The following NKAIN2 variants were observed in gnomAD, a reference collection of about 807,000 sequenced individuals.
NKAIN2 encodes sodium/potassium-transporting ATPase subunit beta-1-interacting protein 2.
Under a neutral mutation model 32.6 loss-of-function variants are expected in NKAIN2, and 14 were observed. The ratio of observed to expected loss-of-function variants is 0.43; its 90% confidence interval spans 0.28 to 0.67. The LOEUF is 0.67. Ranked by LOEUF, NKAIN2 falls within the 30% of genes least tolerant of loss-of-function variation. NKAIN2 has a pLI of 0.17. For synonymous variants in NKAIN2, 80 were observed against 87.2 expected (o/e 0.92, Z 0.46); for missense variants, 198 against 258.3 (o/e 0.77, Z 1.60).
chr6:123,852,020 T>G (rs937219584), intron 1 of NKAIN2, among the ~76,000 whole-genome samples: 1 of 152,208 alleles, frequency 6.6e-6, no homozygotes, highest in African/African-American at 2.4e-5. Context: ...ATCAAAAAAA[T>G]TATTGCCCAG....
chr6:124,293,669 G>A (rs1279592560), intron 2 of NKAIN2, among the ~76,000 whole-genome samples: 1 of 152,022 alleles, frequency 6.6e-6, no homozygotes, highest in African/African-American at 2.4e-5. Context: ...ATTTTCTAGA[G>A]CATTTGTTTC....
intron 1 of NKAIN2, among the ~76,000 whole-genome samples, chr6:124,186,642 C>T (rs1789755838): frequency 1.3e-5 from 2 of 152,104 alleles, no homozygotes; most frequent in Admixed American, 6.5e-5. Flanking sequence ...TATCAGATAC[C>T]AATATATGTG....
intron 3 of NKAIN2, among the ~76,000 whole-genome samples, chr6:124,443,022 T>C (rs1174619369): frequency 6.6e-6 from 1 of 152,130 alleles, no homozygotes; most frequent in African/African-American, 2.4e-5. Context: ...TGGAACTTGC[T>C]ATGCTCAGAA....
intron 1 of NKAIN2, among the ~76,000 whole-genome samples, chr6:124,221,240 G>A (rs1400369113): frequency 6.6e-6 from 1 of 152,002 alleles, no homozygotes. Flanking sequence ...AAAAGGATGA[G>A]TTCATGTACT....
intron 3 of NKAIN2, among the ~76,000 whole-genome samples, chr6:124,483,226 A>T (rs1436654187): frequency 6.6e-6 from 1 of 152,234 alleles, no homozygotes; most frequent in Non-Finnish European, 1.5e-5. Context: ...GAATCTATCA[A>T]GTTCCGATGA....
chr6:124,609,676 T>G (rs1490226689), intron 3 of NKAIN2, among the ~76,000 whole-genome samples: 1 of 152,036 alleles, frequency 6.6e-6, no homozygotes, highest in Admixed American at 6.6e-5. Context: ...CACACATTTT[T>G]TTTTCACTTT....
chr6:124,452,283 C>T (rs1341992541), intron 3 of NKAIN2, among the ~76,000 whole-genome samples: 1 of 151,396 alleles, frequency 6.6e-6, no homozygotes, highest in African/African-American at 2.4e-5. Context: ...TACTGAGTTG[C>T]TCCTTTTGCA....
chr6:123,913,878 T>C (rs1326200270), intron 1 of NKAIN2, among the ~76,000 whole-genome samples: 1 of 152,170 alleles, frequency 6.6e-6, no homozygotes, highest in Non-Finnish European at 1.5e-5. Flanking sequence ...ATTAATATCA[T>C]AATTCTTCCC....
intron 3 of NKAIN2, among the ~76,000 whole-genome samples, chr6:124,563,065 G>A (rs1219893293): frequency 6.6e-6 from 1 of 151,800 alleles, no homozygotes; most frequent in African/African-American, 2.4e-5. Flanking sequence ...TACCATGCCC[G>A]GCTAATTTTT....
intron 3 of NKAIN2, among the ~76,000 whole-genome samples, chr6:124,653,418 T>C (rs1784433296): frequency 1.5e-5 from 2 of 131,442 alleles, no homozygotes; most frequent in African/African-American, 2.9e-5. Flanking sequence ...CAATAAATGG[T>C]GCTGGAATAA....
intron 3 of NKAIN2, among the ~76,000 whole-genome samples, chr6:124,534,060 T>A (rs117388393): frequency 6.6e-6 from 1 of 152,322 alleles, no homozygotes; most frequent in Non-Finnish European, 1.5e-5. Context: ...GACACAAATA[T>A]TTAATCTGTC....
chr6:123,947,139 T>C (rs1002820335), intron 1 of NKAIN2, among the ~76,000 whole-genome samples: 11 of 152,186 alleles, frequency 7.2e-5, no homozygotes, highest in Non-Finnish European at 2.9e-5. Flanking sequence ...AGTGATACAA[T>C]TGATGTGAAA....
chr6:124,248,806 G>T (rs889272024), intron 1 of NKAIN2, among the ~76,000 whole-genome samples: 6 of 152,070 alleles, frequency 3.9e-5, no homozygotes, highest in East Asian at 1.9e-4. Context: ...TCTAAATCTG[G>T]TGGTAGACTA....
chr6:124,817,629 T>C (rs903769737), intron 5 of NKAIN2, among the ~76,000 whole-genome samples: 1 of 152,100 alleles, frequency 6.6e-6, no homozygotes, highest in African/African-American at 2.4e-5. Flanking sequence ...TGTCTGCCCA[T>C]GTTCAAGAGG....
chr6:124,434,966 AT>A (rs1242869510), intron 3 of NKAIN2, among the ~76,000 whole-genome samples: 1 of 152,208 alleles, frequency 6.6e-6, no homozygotes, highest in Non-Finnish European at 1.5e-5. Flanking sequence ...AGTAAATATT[AT>A]ATGCAGCCAT....
rs1781473963 is a variant in NKAIN2 at position 124,823,445 on chromosome 6, GAAAC to G, written c.*218_*221del. 1 of 520,636 alleles carries G rather than the reference GAAAC, an allele frequency of 1.9e-6. No individual in the cohort carries two copies. The highest frequency in any genetic ancestry group is 1.9e-5 in the African/African-American group (1 of 52,702). The allele number at this position is 520,636 out of a possible 1,614,324, so 32.3% of individuals were successfully genotyped here. A position where few individuals can be genotyped will look rare whatever the true frequency, so the allele number is the denominator to read the frequency against. On this transcript the variant is annotated 3_prime_UTR_variant, in exon 7 of 7. Coordinates refer to ENST00000368417, the MANE Select transcript of NKAIN2 (RefSeq NM_001040214.3). Reference sequence around the variant, plus strand: ...TCCACTTGACCTCCTCTTTCTAACTGAAACAGACAAATATGCAGGACACGCCCAT... The same window carrying G: ...TCCACTTGACCTCCTCTTTCTAACTGAGACAAATATGCAGGACACGCCCAT...
At chr6:124,396,763 T>C (rs1562154397) in intron 3 of NKAIN2, among the ~76,000 whole-genome samples, 1 of 152,178 alleles carries the variant, frequency 6.6e-6, no homozygotes. Flanking sequence ...GTATGAGGCA[T>C]CAAAGATGAC....
At position 124,174,225 on chromosome 6, in the gene NKAIN2, G is replaced by A. The variant is rs369841400; in HGVS notation, c.55-108780G>A. 6.6e-4 allele frequency among the ~76,000 whole-genome samples: 101 copies of A among 152,218 alleles called. No individual in the cohort carries two copies. The Middle Eastern group carries it at 0.01, about 15-fold the overall frequency. ...AACTCCCACCAAACAGCAGTAGTTA[G>A]AATTCAAAATTCATGGAATGCCACA... On this transcript the variant is annotated intron_variant, in intron 1 of 6. Transcript: ENST00000368417.
intron 1 of NKAIN2, among the ~76,000 whole-genome samples, chr6:124,228,395 A>G (rs1050997874): frequency 6.6e-6 from 1 of 152,164 alleles, no homozygotes; most frequent in Non-Finnish European, 1.5e-5. Flanking sequence ...GCACCCTGAC[A>G]TCAGACTTTC....
Sources: gnomAD v4.1 joint callset for allele counts (sites outside exome capture counted in the v4.1 genomes callset) on GRCh38, gnomAD v4.1.1 for gene constraint, MANE v1.5 for transcripts, NCBI Gene and HGNC (gene_info 2026-07-23, HGNC 2026-07-21) for gene names.